Variants in PDE4D observed in about 807,000 individuals in gnomAD.
PDE4D encodes 3',5'-cyclic-AMP phosphodiesterase 4D.
A neutral mutation model predicts 87.4 loss-of-function variants in PDE4D; 24 were observed. The observed-to-expected ratio is 0.27, with a 90% CI of 0.20 to 0.39. The LOEUF is 0.39. Among genes scored for constraint, PDE4D ranks in the 10% least tolerant of loss-of-function variants. PDE4D has a pLI of 1.00. For synonymous variants in PDE4D, 384 were observed against 383.2 expected (o/e 1.00, Z -0.02); for missense variants, 714 against 1,041.0 (o/e 0.69, Z 4.32).
intron 5 of PDE4D, among the ~76,000 whole-genome samples, chr5:59,108,561 T>A (rs1423248433): frequency 6.6e-6 from 1 of 152,092 alleles, no homozygotes; most frequent in Non-Finnish European, 1.5e-5. Context: ...TCTTCGGTTT[T>A]AGAGGGAACC....
At chr5:59,967,710 C>T (rs1760208104) in intron 3 of PDE4D, among the ~76,000 whole-genome samples, 1 of 152,098 alleles carries the variant, frequency 6.6e-6, no homozygotes, top group African/African-American at 2.4e-5. Flanking sequence ...GAACTTAAAA[C>T]AGAATTACCA....
At chr5:59,153,306 T>C (rs945131126) in intron 5 of PDE4D, among the ~76,000 whole-genome samples, 1 of 152,172 alleles carries the variant, frequency 6.6e-6, no homozygotes, top group African/African-American at 2.4e-5. Context: ...CCAAAAGAAA[T>C]GTTGTCCTTT....
chr5:59,371,125 G>A (rs1783860360), intron 1 of PDE4D, among the ~76,000 whole-genome samples: 1 of 152,170 alleles, frequency 6.6e-6, no homozygotes, highest in Non-Finnish European at 1.5e-5. Flanking sequence ...GTGGCCCAGG[G>A]AAGCCAAAAG....
intron 1 of PDE4D, among the ~76,000 whole-genome samples, chr5:59,315,632 C>T (rs1773564252): frequency 6.6e-6 from 1 of 152,104 alleles, no homozygotes; most frequent in Admixed American, 6.6e-5. Flanking sequence ...AATTTCCTAA[C>T]AGGAAACATC....
intron 1 of PDE4D, among the ~76,000 whole-genome samples, chr5:59,773,623 A>G (rs914101871): frequency 6.6e-6 from 1 of 152,140 alleles, no homozygotes; most frequent in Admixed American, 6.6e-5. Context: ...TTCTTTCAAT[A>G]TGAAGAAATT....
intron 1 of PDE4D, among the ~76,000 whole-genome samples, chr5:60,503,646 A>G (rs543893938): frequency 5.3e-5 from 8 of 152,266 alleles, no homozygotes; most frequent in African/African-American, 1.9e-4. Context: ...GGCATTATTA[A>G]ATGCCTTTTA....
chr5:59,311,374 A>G (rs1772565673), intron 1 of PDE4D, among the ~76,000 whole-genome samples: 1 of 151,752 alleles, frequency 6.6e-6, no homozygotes, highest in Admixed American at 6.6e-5. Context: ...GGTGGTATGC[A>G]TCTGTAGTCC....
intron 1 of PDE4D, among the ~76,000 whole-genome samples, chr5:60,319,118 A>G (rs1460550333): frequency 1.3e-5 from 2 of 152,214 alleles, no homozygotes; most frequent in East Asian, 3.8e-4. Context: ...ACTTTCAGGT[A>G]CACCAATCAG....
chr5:59,653,659 G>C (rs1188850344), intron 1 of PDE4D, among the ~76,000 whole-genome samples: 1 of 152,066 alleles, frequency 6.6e-6, no homozygotes, highest in African/African-American at 2.4e-5. Context: ...ATTGCACATA[G>C]GATTTGTCCC....
intron 1 of PDE4D, among the ~76,000 whole-genome samples, chr5:59,577,365 T>C (rs1409488330): frequency 6.6e-6 from 1 of 152,110 alleles, no homozygotes; most frequent in African/African-American, 2.4e-5. Context: ...GGCCAAATAC[T>C]TGAGAAAAGC....
chr5:59,478,496 T>C (rs896592302), intron 1 of PDE4D, among the ~76,000 whole-genome samples: 1 of 152,112 alleles, frequency 6.6e-6, no homozygotes, highest in Non-Finnish European at 1.5e-5. Context: ...GTTTGAAAAA[T>C]GGATACACTA....
intron 1 of PDE4D, among the ~76,000 whole-genome samples, chr5:59,271,259 G>GAA (rs1763787022): frequency 1.3e-5 from 2 of 152,036 alleles, no homozygotes; most frequent in African/African-American, 4.8e-5. Context: ...GGCTGGTCTT[G>GAA]AACTCCTGGC....
chr5:59,456,500 C>A (rs1799954626), intron 1 of PDE4D, among the ~76,000 whole-genome samples: 1 of 152,126 alleles, frequency 6.6e-6, no homozygotes, highest in Admixed American at 6.6e-5. Context: ...ATTTCTTTAT[C>A]AACAGCATGA....
chr5:60,501,704 G>C (rs1189685770), intron 1 of PDE4D, among the ~76,000 whole-genome samples: 1 of 151,948 alleles, frequency 6.6e-6, no homozygotes, highest in African/African-American at 2.4e-5. Flanking sequence ...TAACTGGTGT[G>C]AGATGGTATC....
At chr5:59,282,258 C>T (rs1765944180) in intron 1 of PDE4D, among the ~76,000 whole-genome samples, 1 of 152,020 alleles carries the variant, frequency 6.6e-6, no homozygotes, top group Non-Finnish European at 1.5e-5. Context: ...TCTTAAAAGA[C>T]TTTTGAAAGA....
At chr5:60,293,695 G>T (rs1456980622) in intron 1 of PDE4D, among the ~76,000 whole-genome samples, 2 of 152,076 alleles carry the variant, frequency 1.3e-5, no homozygotes, top group African/African-American at 2.4e-5. Context: ...CATACCACAT[G>T]TATTCCTTTT....
rs1449579986 is a variant in PDE4D at position 58,969,880 on chromosome 5, T to A, written c.*4784A>T. ...ACACCATGCTTAATCTTATAGGCCA[T>A]CTAAGTAATTTTGGTAATTTTTAAT... On this transcript the variant is annotated 3_prime_UTR_variant, in exon 15 of 15. Transcript: ENST00000340635. 6.6e-6 allele frequency: 1 copy of A among 152,300 alleles called. No individual in the cohort carries two copies. Among genetic ancestry groups the A allele is most frequent in the East Asian group, 1.9e-4 (1 of 5,184 alleles). 9.4% of individuals were successfully genotyped at this position (152,300 alleles called of 1,614,324 possible).
intron 1 of PDE4D, among the ~76,000 whole-genome samples, chr5:59,798,667 A>G (rs1023116692): frequency 6.6e-6 from 1 of 152,214 alleles, no homozygotes; most frequent in Admixed American, 6.5e-5. Flanking sequence ...TAAGAATATG[A>G]AAGTCTAAAC....
At chr5:59,823,754 T>C (rs1211417102) in intron 1 of PDE4D, among the ~76,000 whole-genome samples, 2 of 151,436 alleles carry the variant, frequency 1.3e-5, no homozygotes, top group African/African-American at 2.4e-5. Flanking sequence ...TTTCCTCTCA[T>C]ACAACTCTCC....
Sources: allele counts gnomAD v4.1 joint callset (sites outside exome capture counted in the v4.1 genomes callset), GRCh38; gene constraint gnomAD v4.1.1; transcripts MANE v1.5; gene names NCBI Gene and HGNC (gene_info 2026-07-23, HGNC 2026-07-21).